Variants in SEC24B observed in about 807,000 individuals in gnomAD.
SEC24B encodes SEC24 homolog B, COPII component.
A neutral mutation model predicts 142.8 loss-of-function variants in SEC24B; 45 were observed. The observed-to-expected ratio is 0.32, with a 90% CI of 0.25 to 0.40. The LOEUF (loss-of-function observed/expected upper bound fraction) is 0.40. Among genes scored for constraint, SEC24B ranks in the 10% least tolerant of loss-of-function variants. The pLI is 1.00. For missense variants in SEC24B, 1,409 were observed against 1,526.8 expected, an observed-to-expected ratio of 0.92 and a Z score of 1.29; for synonymous variants, 574 against 568.2, an observed-to-expected ratio of 1.01 and a Z score of -0.15.
rs1383506034 is a variant in SEC24B, at chr4:109,524,947, GA to G, written c.2632+9del. 3 of 1,603,720 alleles carry G rather than the reference GA, an allele frequency of 1.9e-6. No homozygotes were observed. In the East Asian group the frequency reaches 6.7e-5, roughly 36 times the overall value. ...TTCTGATCTTGCTTCTCTAGGTAAG[GA>G]AAGTCATCATGGGTACATTTGTTTA... On this transcript the variant is annotated splice_region_variant and intron_variant, in intron 15 of 23. Coordinates refer to ENST00000265175, the MANE Select transcript of SEC24B (RefSeq NM_006323.5).
chr4:109,506,287 GT>G, intron 6 of SEC24B, 40 bp from the exon 7 acceptor site: 1 of 1,394,790 alleles, frequency 7.2e-7, no homozygotes, highest in Non-Finnish European at 9.5e-7. Context: ...ATTTATTTAT[GT>G]TTTATTGTTC....
intron 1 of SEC24B, among the ~76,000 whole-genome samples, chr4:109,436,304 C>T (rs914734488): frequency 1.3e-5 from 2 of 151,932 alleles, no homozygotes; most frequent in East Asian, 1.9e-4. Context: ...AAGTTTGCTA[C>T]GTGGTATCAG....
Position 109,491,405 on chromosome 4 carries a change from C to T in SEC24B, c.1244C>T (p.Pro415Leu). ...SYDALEGGSY[P>L]DMLSSSASSP... Reference sequence around the variant, plus strand: ...GATGCCCTGGAAGGAGGCAGTTACCCAGGTAATTTGTTTTGTGCTTGCTTG... The same window carrying T: ...GATGCCCTGGAAGGAGGCAGTTACCTAGGTAATTTGTTTTGTGCTTGCTTG... Residue 415 changes from proline (P) to leucine (L), a missense_variant and splice_region_variant, in exon 5 of 24, where the codon CCA becomes CTA. Pro to Leu is a moderately conservative substitution (Grantham distance 98). This residue lies in a region of SEC24B where 709 missense variants were observed against 673.5 expected (regional missense o/e 1.05). Coordinates refer to ENST00000265175, the MANE Select transcript of SEC24B (RefSeq NM_006323.5). 1.9e-6 allele frequency: 3 copies of T among 1,611,248 alleles called. No individual in the cohort carries two copies. Among genetic ancestry groups the T allele is most frequent in the Admixed American group, 3.3e-5 (2 of 59,970 alleles).
At chr4:109,510,329 T>A (rs1737183855) in intron 8 of SEC24B, among the ~76,000 whole-genome samples, 2 of 152,198 alleles carry the variant, frequency 1.3e-5, no homozygotes, top group South Asian at 4.1e-4. Context: ...GTCATTGAAG[T>A]TGCCTCCAAA....
rs751978467 is a variant in SEC24B at position 109,506,290 on chromosome 4, T to A, written c.1489-38T>A. 5.0e-6 allele frequency: 7 copies of A among 1,412,232 alleles called. No individual in the cohort carries two copies. The South Asian group carries it at 8.7e-5, about 18-fold the overall frequency. The allele number at this position is 1,412,232 out of a possible 1,614,324, so 87.5% of individuals were successfully genotyped here. A position where few individuals can be genotyped will look rare whatever the true frequency, so the allele number is the denominator to read the frequency against. On this transcript the variant is annotated intron_variant, in intron 6 of 23. Transcript: ENST00000265175. Reference sequence around the variant, plus strand: ...ATATATAAGAAAATTTATTTATGTTTTATTGTTCTTTTATTTTGTTTTGAA... The same window carrying A: ...ATATATAAGAAAATTTATTTATGTTATATTGTTCTTTTATTTTGTTTTGAA...
intron 1 of SEC24B, among the ~76,000 whole-genome samples, chr4:109,441,464 T>G: frequency 6.6e-6 from 1 of 152,192 alleles, no homozygotes; most frequent in Non-Finnish European, 1.5e-5. Context: ...AGGGCCTCAC[T>G]TTGTCACCCA....
In SEC24B at chr4:109,533,641, G is replaced by T. The variant is rs1332310000; in HGVS notation, c.3544G>T (p.Asp1182Tyr). Residue 1182 changes from aspartate (D) to tyrosine (Y), a missense_variant, in exon 22 of 24, where the codon GAT (aspartate) becomes TAT (tyrosine). Transcript: ENST00000265175. ...GKGCDNNFIE[D>Y]VLGYTNFASI... ...AGGCTGTGACAATAACTTCATAGAG[G>T]ATGTGCTTGGATATACTAATTTTGC... The T allele has an allele frequency of 6.2e-7, 1 of 1,609,454 alleles. No homozygotes were observed. Among genetic ancestry groups the T allele is most frequent in the Non-Finnish European group, 8.5e-7 (1 of 1,178,526 alleles).
chr4:109,485,485 T>C (rs983035314), intron 4 of SEC24B, among the ~76,000 whole-genome samples: 2 of 152,176 alleles, frequency 1.3e-5, no homozygotes, highest in African/African-American at 4.8e-5. Flanking sequence ...GTCACTACAG[T>C]GTTAAACGTA....
chr4:109,440,872 G>C (rs1476474665), intron 1 of SEC24B, among the ~76,000 whole-genome samples: 2 of 152,160 alleles, frequency 1.3e-5, no homozygotes, highest in African/African-American at 4.8e-5. Flanking sequence ...GAGTCTGTGT[G>C]CCAGCTCCCT....
At position 109,467,856 on chromosome 4, in the gene SEC24B, GT is replaced by G. The variant is rs556571527; in HGVS notation, c.877+4216del. On this transcript the variant is annotated intron_variant, in intron 2 of 23. Transcript: ENST00000265175. ...GATTAATGCTGTTTTCTGATGCACA[GT>G]TTTATATAAAAGCATTTAAAAAGCT... 2.4e-4 allele frequency among the ~76,000 whole-genome samples: 36 copies of G among 152,260 alleles called. 1 individual carries two copies. In the East Asian group the frequency reaches 6.7e-3, roughly 29 times the overall value.
rs1726054596 is a variant in SEC24B at position 109,540,391 on chromosome 4, T to G, written c.*716T>G. The G allele has an allele frequency of 6.6e-6, 1 of 152,634 alleles. No homozygotes were observed. Among genetic ancestry groups the G allele is most frequent in the Non-Finnish European group, 1.5e-5 (1 of 68,034 alleles). The allele number at this position is 152,634 out of a possible 1,614,324, so 9.5% of individuals were successfully genotyped here. A position where few individuals can be genotyped will look rare whatever the true frequency, so the allele number is the denominator to read the frequency against. ...AAAGGAACACAAAACTCTTTGTAAT[T>G]CTGTTAAATCTTTTATGTAGATTTA... On this transcript the variant is annotated 3_prime_UTR_variant, in exon 24 of 24. Transcript: ENST00000265175.
At chr4:109,510,489 A>G (rs935448197) in intron 8 of SEC24B, among the ~76,000 whole-genome samples, 17 of 152,332 alleles carry the variant, frequency 1.1e-4, no homozygotes, top group Non-Finnish European at 2.2e-4. Flanking sequence ...AAAGTTTTCT[A>G]TAAGTGTTGA....
intron 1 of SEC24B, among the ~76,000 whole-genome samples, chr4:109,434,524 C>G (rs1578731768): frequency 6.6e-6 from 1 of 152,184 alleles, no homozygotes; most frequent in African/African-American, 2.4e-5. Context: ...CGAGGCCCAG[C>G]GAACACGCTG....
At chr4:109,488,298 A>G (rs1391394945) in intron 4 of SEC24B, among the ~76,000 whole-genome samples, 1 of 152,126 alleles carries the variant, frequency 6.6e-6, no homozygotes, top group Admixed American at 6.5e-5. Flanking sequence ...ACGCAGCTCT[A>G]GGCAGCCATT....
intron 18 of SEC24B, 48 bp from the exon 19 acceptor site, chr4:109,530,241 C>T (rs765574372): frequency 1.3e-6 from 2 of 1,516,030 alleles, no homozygotes; most frequent in Admixed American, 3.7e-5. Context: ...TTATAGTGCC[C>T]ATTGGATTCT....
At chr4:109,487,159 C>T (rs1369502307) in intron 4 of SEC24B, among the ~76,000 whole-genome samples, 5 of 132,412 alleles carry the variant, frequency 3.8e-5, no homozygotes, top group South Asian at 2.4e-4. Context: ...GAGTGAGACT[C>T]TGTCTCAAAA....
At chr4:109,487,910 C>A (rs560186186) in intron 4 of SEC24B, among the ~76,000 whole-genome samples, 1 of 152,168 alleles carries the variant, frequency 6.6e-6, no homozygotes, top group East Asian at 1.9e-4. Flanking sequence ...AATGAACAAT[C>A]TTTAAAATAT....
chr4:109,495,371 TTGTC>T (rs1326309944), intron 6 of SEC24B, among the ~76,000 whole-genome samples: 1 of 152,156 alleles, frequency 6.6e-6, no homozygotes, highest in Non-Finnish European at 1.5e-5. Context: ...AGTGGCTACA[TTGTC>T]TGGGGTCTAA....
At chr4:109,533,468 ATT>A in intron 21 of SEC24B, 123 bp from the exon 22 acceptor site, 2 of 686,094 alleles carry the variant, frequency 2.9e-6, no homozygotes, top group Non-Finnish European at 5.1e-6. Flanking sequence ...CAATGTAACA[ATT>A]ATAGATTTCC....
Sources: allele counts gnomAD v4.1 joint callset (sites outside exome capture counted in the v4.1 genomes callset), GRCh38; gene constraint gnomAD v4.1.1; regional missense constraint gnomAD v4.1.1; transcripts MANE v1.5; gene names NCBI Gene and HGNC (gene_info 2026-07-23, HGNC 2026-07-21).